The following MCRS1 variants were observed in gnomAD, a reference collection of about 807,000 sequenced individuals.
The protein encoded by MCRS1 is 58 kDa microspherule protein.
A neutral mutation model predicts 62.9 loss-of-function variants in MCRS1; 22 were observed. The ratio of observed to expected loss-of-function variants is 0.35; its 90% confidence interval spans 0.25 to 0.50. The LOEUF (loss-of-function observed/expected upper bound fraction) is 0.50. Ranked by LOEUF, MCRS1 falls within the 20% of genes least tolerant of loss-of-function variation. MCRS1 has a pLI of 0.98. For missense variants in MCRS1, 456 were observed against 601.1 expected, an observed-to-expected ratio of 0.76 and a Z score of 2.52; for synonymous variants, 244 against 233.5, an observed-to-expected ratio of 1.04 and a Z score of -0.41.
At chr12:49,563,965 T>C (rs1321033536) in intron 6 of MCRS1, among the ~76,000 whole-genome samples, 1 of 152,096 alleles carries the variant, frequency 6.6e-6, no homozygotes, top group African/African-American at 2.4e-5. Context: ...AGAGGATGGG[T>C]GTTAAGCATC....
Position 49,559,149 on chromosome 12 carries a change from G to C in MCRS1, c.1174+65C>G, listed in dbSNP as rs1938615338. ...GGACACCAAGCCCAGGGCTAGAAAG[G>C]ACAGCGAGAGGCTGGGAGGGACGAC... On this transcript the variant is annotated intron_variant, in intron 13 of 14. Coordinates refer to ENST00000343810, the MANE Select transcript of MCRS1 (RefSeq NM_006337.5). The surrounding 1 kb of genome is among the most constrained non-coding windows in gnomAD (Gnocchi z 5.2). 2 of 1,567,294 alleles carry C rather than the reference G, an allele frequency of 1.3e-6. No homozygotes were observed. The highest frequency in any genetic ancestry group is 1.1e-5 in the South Asian group (1 of 87,908).
chr12:49,566,453 T>C lies in MCRS1; in HGVS notation c.11-238A>G, dbSNP rs777365226. Reference sequence around the variant, plus strand: ...GCCACGTGTCATGTCGTGCAGCACATGGTGCTCAGGTCAGACTGGTGATGC... The same window carrying C: ...GCCACGTGTCATGTCGTGCAGCACACGGTGCTCAGGTCAGACTGGTGATGC... On this transcript the variant is annotated intron_variant, in intron 2 of 14. Transcript: ENST00000343810. The C allele has an allele frequency of 7.0e-6, 11 of 1,567,528 alleles. No individual in the cohort carries two copies. The South Asian group carries it at 8.2e-5, about 12-fold the overall frequency.
intron 1 of MCRS1, chr12:49,567,768 C>T (rs887998118): frequency 1.3e-5 from 2 of 152,398 alleles, no homozygotes. Flanking sequence ...CAAAGCAGAG[C>T]ACCAAGTAGC....
chr12:49,566,283 C>T, intron 2 of MCRS1, 68 bp from the exon 3 acceptor site: 6 of 1,579,636 alleles, frequency 3.8e-6, no homozygotes, highest in Non-Finnish European at 5.2e-6. Flanking sequence ...GGGACCCCTC[C>T]CCAGCCCCCT....
chr12:49,563,350 G>C, intron 7 of MCRS1, 88 bp downstream of exon 7: 1 of 1,395,746 alleles, frequency 7.2e-7, no homozygotes, highest in African/African-American at 1.4e-5. Flanking sequence ...CCAGACAGTG[G>C]GTGGGGAGCT....
chr12:49,559,269 C>G lies in MCRS1; in HGVS notation c.1119G>C (p.Gln373His), dbSNP rs1938622602. The G allele has an allele frequency of 6.2e-7, 1 of 1,614,144 alleles. No individual in the cohort carries two copies. Among genetic ancestry groups the G allele is most frequent in the Non-Finnish European group, 8.5e-7 (1 of 1,180,014 alleles). ...CCTCCAGAGACAGGTCCACATCAAT[C>G]TGGTTATCCTTGGTTGCTCTGCCCA... Reference protein sequence around the residue: ...ITLGRATKDNQIDVDLSLEGP... With the variant: ...ITLGRATKDNHIDVDLSLEGP... Residue 373 changes from glutamine to histidine, a missense_variant, in exon 13 of 15, where the codon CAG (glutamine) becomes CAC (histidine). This residue lies in a region of MCRS1 where 393 missense variants were observed against 523.5 expected (regional missense o/e 0.75). Transcript: ENST00000343810. The surrounding 1 kb of genome is among the most constrained non-coding windows in gnomAD (Gnocchi z 5.2).
chr12:49,563,314 G>A, intron 7 of MCRS1, 124 bp downstream of exon 7: 2 of 1,340,036 alleles, frequency 1.5e-6, no homozygotes, highest in South Asian at 2.5e-5. Context: ...CCCTGCCAAT[G>A]TGCACACGTG....
rs1810819596 is a variant in MCRS1 at position 49,559,836 on chromosome 12, G to A, written c.911-15C>T. On this transcript the variant is annotated splice_polypyrimidine_tract_variant and intron_variant, in intron 10 of 14. Coordinates refer to ENST00000343810, the MANE Select transcript of MCRS1 (RefSeq NM_006337.5). The surrounding 1 kb of genome is among the most constrained non-coding windows in gnomAD (Gnocchi z 5.2). Reference sequence around the variant, plus strand: ...CACCATCAGCTCTGGGGTGAGGTGGGGTGGTAAGGAGGGATGCTCTGAGGC... The same window carrying A: ...CACCATCAGCTCTGGGGTGAGGTGGAGTGGTAAGGAGGGATGCTCTGAGGC... 3.1e-6 allele frequency: 5 copies of A among 1,614,046 alleles called. No homozygotes were observed. Among genetic ancestry groups the A allele is most frequent in the Non-Finnish European group, 4.2e-6 (5 of 1,180,016 alleles).
rs536438050 is a variant in MCRS1, at chr12:49,560,181, G to A, written c.881+114C>T. 3.5e-5 allele frequency: 45 copies of A among 1,279,750 alleles called. No individual in the cohort carries two copies. The South Asian group carries it at 4.6e-4, about 13-fold the overall frequency. The allele number at this position is 1,279,750 out of a possible 1,614,324, so 79.3% of individuals were successfully genotyped here. On this transcript the variant is annotated intron_variant, in intron 9 of 14. Coordinates refer to ENST00000343810, the MANE Select transcript of MCRS1 (RefSeq NM_006337.5). The stretch of plus-strand genomic sequence containing the variant: ...GTGGGAGGGGAGGGGGCTCAGCCAG[G>A]GGGGGCCAAGCACCAACGGGAGCCC...
intron 7 of MCRS1, 69 bp from the exon 8 acceptor site, chr12:49,563,208 T>C: frequency 6.5e-7 from 1 of 1,534,278 alleles, no homozygotes; most frequent in Non-Finnish European, 8.8e-7. Context: ...TTACCATCTC[T>C]ACCTCCCACC....
Position 49,559,190 on chromosome 12 carries a change from G to A in MCRS1, c.1174+24C>T. On this transcript the variant is annotated intron_variant, in intron 13 of 14. Coordinates refer to ENST00000343810, the MANE Select transcript of MCRS1 (RefSeq NM_006337.5). The surrounding 1 kb of genome is among the most constrained non-coding windows in gnomAD (Gnocchi z 5.2). Reference sequence around the variant, plus strand: ...GAGGGACGACCTCACACTGCTTCCTGCTGGGGCAGGGGGTGGGGGATACCT... The same window carrying A: ...GAGGGACGACCTCACACTGCTTCCTACTGGGGCAGGGGGTGGGGGATACCT... 1 of 1,609,426 alleles carries A rather than the reference G, an allele frequency of 6.2e-7. No homozygotes were observed. The highest frequency in any genetic ancestry group is 8.5e-7 in the Non-Finnish European group (1 of 1,176,488).
chr12:49,562,455 G>A (rs1223463778), intron 8 of MCRS1, among the ~76,000 whole-genome samples: 1 of 152,224 alleles, frequency 6.6e-6, no homozygotes, highest in East Asian at 1.9e-4. Flanking sequence ...TGGACTGGGT[G>A]TGAAGTCCCA....
At chr12:49,565,709 T>C in intron 3 of MCRS1, 42 bp from the exon 4 acceptor site, 1 of 1,613,660 alleles carries the variant, frequency 6.2e-7, no homozygotes, top group Non-Finnish European at 8.5e-7. Context: ...TACCCCACCC[T>C]GGTACCCATT....
rs1469852288 is a variant in MCRS1, at chr12:49,559,861, C to G, written c.911-40G>C. ...GGTGGTAAGGAGGGATGCTCTGAGG[C>G]CACCAGCACCTTGTACTGGTCCTCT... On this transcript the variant is annotated intron_variant, in intron 10 of 14. Transcript: ENST00000343810. The surrounding 1 kb of genome is among the most constrained non-coding windows in gnomAD (Gnocchi z 5.2). 1 of 1,613,636 alleles carries G rather than the reference C, an allele frequency of 6.2e-7. No individual in the cohort carries two copies.
rs779243709 is a variant in MCRS1, at chr12:49,563,504, A to G, written c.600T>C (p.Ile200=). 51 of 1,612,196 alleles carry G rather than the reference A, an allele frequency of 3.2e-5. No homozygotes were observed. The highest frequency in any genetic ancestry group is 2.6e-5 in the Non-Finnish European group (31 of 1,179,458). The change falls in exon 7 of 15, where the codon ATT becomes ATC. Residue 200 remains isoleucine (I), a synonymous_variant. Transcript: ENST00000343810. ...QAMRQLHPEA[I]AAIQSKALFS... is the part of the protein sequence containing the mutation. ...ACAGGGCCTTGCTCTGGATGGCTGC[A>G]ATAGCCTCTGGGTGCAGCTGCCTCA...
chr12:49,565,073 T>G (rs1938983448), intron 4 of MCRS1, 178 bp from the exon 5 acceptor site: 2 of 985,092 alleles, frequency 2.0e-6, no homozygotes, highest in Non-Finnish European at 1.2e-6. Flanking sequence ...CCCACCCCCA[T>G]CCCACCAAGT....
At chr12:49,558,814 C>A (rs369489280) in intron 14 of MCRS1, 29 bp downstream of exon 14, 1 of 1,613,364 alleles carries the variant, frequency 6.2e-7, no homozygotes, top group African/African-American at 1.3e-5. Flanking sequence ...AGGTCTCATC[C>A]TGGCCTTCCT....
chr12:49,561,817 C>A (rs1157462200), intron 8 of MCRS1, among the ~76,000 whole-genome samples: 1 of 151,470 alleles, frequency 6.6e-6, no homozygotes, highest in Non-Finnish European at 1.5e-5. Context: ...TTAGTAGAGA[C>A]GGGGTTATAC....
At chr12:49,562,955 C>T in intron 8 of MCRS1, 46 bp downstream of exon 8, 3 of 1,562,816 alleles carry the variant, frequency 1.9e-6, no homozygotes, top group Admixed American at 1.8e-5. Context: ...CACACACACA[C>T]ATGCACGTGC....
Sources: allele counts gnomAD v4.1 joint callset (sites outside exome capture counted in the v4.1 genomes callset), GRCh38; gene constraint gnomAD v4.1.1; regional missense constraint gnomAD v4.1.1; non-coding constraint Gnocchi (gnomAD v3.1); transcripts MANE v1.5; gene names NCBI Gene and HGNC (gene_info 2026-07-23, HGNC 2026-07-21).